The following MOV10L1 variants were observed in gnomAD, a reference collection of about 807,000 sequenced individuals.
MOV10L1 encodes the protein Mov10 like RNA helicase 1.
Under a neutral mutation model 143.8 loss-of-function variants are expected in MOV10L1, and 110 were observed. That is an observed-to-expected ratio of 0.76 (90% CI 0.66 to 0.90). The LOEUF (loss-of-function observed/expected upper bound fraction) is 0.90, where lower values mean the gene tolerates loss of function less well. Among genes scored for constraint, MOV10L1 ranks in the 40% least tolerant of loss-of-function variants. The pLI, the probability that MOV10L1 is intolerant of heterozygous loss-of-function variation, is 0.00. For synonymous variants in MOV10L1, 593 were observed against 581.1 expected (o/e 1.02, Z -0.29); for missense variants, 1,406 against 1,526.8 (o/e 0.92, Z 1.32).
At chr22:50,149,582 C>G (rs753661425) in intron 19 of MOV10L1, 33 bp from the exon 20 acceptor site, 1 of 1,606,264 alleles carries the variant, frequency 6.2e-7, no homozygotes, top group Non-Finnish European at 8.5e-7. Context: ...AACAATTCGG[C>G]AGAAATTACC....
In MOV10L1 at chr22:50,152,302, G is replaced by A. The variant is rs1427087305; in HGVS notation, c.2893-743G>A. Among the ~76,000 whole-genome samples, 4 of 152,324 alleles carry A rather than the reference G, an allele frequency of 2.6e-5. No individual in the cohort carries two copies. Among genetic ancestry groups the A allele is most frequent in the South Asian group, 2.1e-4 (1 of 4,830 alleles). ...CATTGCATAGAGAGGACGGCTCCCC[G>A]CGGCACAGACGCAGCGAGTCCTCAT... On this transcript the variant is annotated intron_variant, in intron 21 of 26. Transcript: ENST00000262794. This position sits in a 1 kb window ranked among gnomAD's most constrained non-coding sequence, Gnocchi z 4.4.
At chr22:50,093,673 T>C (rs1218295020) in intron 2 of MOV10L1, 1 of 152,194 alleles carries the variant, frequency 6.6e-6, no homozygotes, top group East Asian at 1.9e-4. Context: ...CATACCTGAC[T>C]AATTTTTAAA....
chr22:50,144,192 G>T lies in MOV10L1; in HGVS notation c.2454G>T (p.Val818=). The T allele has an allele frequency of 6.2e-7, 1 of 1,612,168 alleles. No individual in the cohort carries two copies. Residue 818 remains valine (V), a synonymous_variant, in exon 18 of 27, where the codon GTG becomes GTT. Transcript: ENST00000262794. The part of the protein sequence containing the change: ...LVCLRLHESK[V]LQPATMVRVN... ...GTCTGCGGCTGCACGAGAGCAAGGT[G>T]CTACAGCCGGCCACCATGGTCCGGG...
At chr22:50,125,993 C>T (rs970001341) in intron 11 of MOV10L1, among the ~76,000 whole-genome samples, 3 of 151,556 alleles carry the variant, frequency 2.0e-5, no homozygotes, top group African/African-American at 7.3e-5. Context: ...GAGGTTTCGC[C>T]GTGTTAGCCA....
intron 4 of MOV10L1, 102 bp from the exon 5 acceptor site, chr22:50,108,555 G>A: frequency 2.3e-6 from 3 of 1,300,344 alleles, no homozygotes; most frequent in Admixed American, 1.8e-5. Flanking sequence ...TGAGCTTCCT[G>A]GTGCAGCTTG....
At chr22:50,124,261 G>A (rs1440359025) in intron 10 of MOV10L1, among the ~76,000 whole-genome samples, 1 of 152,132 alleles carries the variant, frequency 6.6e-6, no homozygotes, top group Non-Finnish European at 1.5e-5. Flanking sequence ...CACTGCTTGT[G>A]CTGCTCCCAT....
In MOV10L1 at chr22:50,145,070, GTACC is replaced by G. The variant is rs1345212628; in HGVS notation, c.2506-616_2506-613del. Among the ~76,000 whole-genome samples the G allele has an allele frequency of 2.0e-5, 3 of 152,168 alleles. No homozygotes were observed. In the East Asian group the frequency reaches 5.8e-4, roughly 30 times the overall value. ...CAATTCTCCTGCCTCAGCCTCCTAA[GTACC>G]TAGGATTACAGGTGTGTGCCACCAC... is the stretch of plus-strand genomic sequence containing the variant. On this transcript the variant is annotated intron_variant, in intron 18 of 26. Coordinates refer to ENST00000262794, the MANE Select transcript of MOV10L1 (RefSeq NM_018995.3).
intron 3 of MOV10L1, among the ~76,000 whole-genome samples, chr22:50,106,667 G>A (rs926336060): frequency 6.7e-6 from 1 of 150,032 alleles, no homozygotes; most frequent in Non-Finnish European, 1.5e-5. Flanking sequence ...CTCCAGAGTT[G>A]CACGTATTAA....
intron 2 of MOV10L1, chr22:50,096,375 G>C (rs1328143082): frequency 6.6e-6 from 1 of 152,172 alleles, no homozygotes; most frequent in Non-Finnish European, 1.5e-5. Context: ...ATCACATTTT[G>C]TTTCTCCATT....
In MOV10L1 at chr22:50,114,586, G is replaced by C; in HGVS notation, c.1090G>C (p.Glu364Gln). 1 of 1,614,128 alleles carries C rather than the reference G, an allele frequency of 6.2e-7. No individual in the cohort carries two copies. Among genetic ancestry groups the C allele is most frequent in the East Asian group, 2.2e-5 (1 of 44,888 alleles). Residue 364 changes from glutamate (E) to glutamine (Q), a missense_variant, in exon 7 of 27, where the codon GAG becomes CAG. Glu to Gln is a conservative substitution (Grantham distance 29). Transcript: ENST00000262794. ...AAAAAACAAAACCTCTCAGATGTCG[G>C]AGAGCAGTTTGGTGAACAACAGAGG... The part of the protein sequence containing the change: ...HTKNKTSQMS[E>Q]SSLVNNRGIS...
chr22:50,114,255 T>G, intron 6 of MOV10L1, 126 bp from the exon 7 acceptor site: 1 of 1,192,724 alleles, frequency 8.4e-7, no homozygotes, highest in Non-Finnish European at 1.2e-6. Context: ...AAAATGACCT[T>G]TTGACTTATA....
chr22:50,092,763 C>T (rs2062484658), intron 2 of MOV10L1: 1 of 152,304 alleles, frequency 6.6e-6, no homozygotes, highest in Non-Finnish European at 1.5e-5. Flanking sequence ...CCATTATTTT[C>T]TTGCTTTTTC....
chr22:50,151,784 C>CTG lies in MOV10L1; in HGVS notation c.2892+886_2892+887dup, dbSNP rs2063303490. Among the ~76,000 whole-genome samples the CTG allele has an allele frequency of 3.9e-5, 6 of 152,354 alleles. No individual in the cohort carries two copies. The South Asian group carries it at 1.2e-3, about 32-fold the overall frequency. ...GGCCGCAGCAGGAGAGACCAGCACGCTGCCGTCCCCACCACACAGCCTTCA... is the reference window on the plus strand; with the variant it reads ...GGCCGCAGCAGGAGAGACCAGCACGCTGTGCCGTCCCCACCACACAGCCTTCA... On this transcript the variant is annotated intron_variant, in intron 21 of 26. Transcript: ENST00000262794.
intron 21 of MOV10L1, among the ~76,000 whole-genome samples, chr22:50,151,812 G>A (rs1422667313): frequency 1.3e-5 from 2 of 152,230 alleles, no homozygotes; most frequent in Non-Finnish European, 2.9e-5. Context: ...AGCCTTCAGG[G>A]CAGGTGCATA....
intron 3 of MOV10L1, among the ~76,000 whole-genome samples, chr22:50,100,925 C>G (rs1293591490): frequency 6.6e-6 from 1 of 152,198 alleles, no homozygotes; most frequent in Non-Finnish European, 1.5e-5. Context: ...TTACTCTACT[C>G]CTGCTGCCTA....
rs528526883 is a variant in MOV10L1, at chr22:50,120,604, A to C, written c.1557A>C (p.Pro519=). Residue 519 remains proline, a synonymous_variant, in exon 10 of 27, where the codon CCA becomes CCC. Transcript: ENST00000262794. ...AAATTGACATCCTGACTTTCCAGCCATTACTTGCAGAGGTAGGAAGTGTCT... is the reference window on the plus strand; with the variant it reads ...AAATTGACATCCTGACTTTCCAGCCCTTACTTGCAGAGGTAGGAAGTGTCT... ...EQKIDILTFQ[P]LLAELLNMSN... 1.2e-5 allele frequency: 20 copies of C among 1,608,886 alleles called. No homozygotes were observed. Among genetic ancestry groups the C allele is most frequent in the Middle Eastern group, 3.3e-4 (2 of 6,052 alleles).
intron 19 of MOV10L1, chr22:50,149,240 G>T (rs1029656374): frequency 4.8e-6 from 1 of 210,006 alleles, no homozygotes; most frequent in Non-Finnish European, 9.8e-6. Context: ...CAGGACTAGA[G>T]CCTGGGCATT....
intron 9 of MOV10L1, 90 bp downstream of exon 9, chr22:50,117,441 C>A: frequency 7.2e-7 from 1 of 1,389,862 alleles, no homozygotes. Flanking sequence ...GTGGCTACCA[C>A]CTGGCTGGGG....
chr22:50,124,650 C>T (rs1484545995), intron 10 of MOV10L1, among the ~76,000 whole-genome samples: 1 of 152,220 alleles, frequency 6.6e-6, no homozygotes, highest in African/African-American at 2.4e-5. Context: ...CCTGGTCTGG[C>T]CCCTCAATGG....
Sources: allele counts gnomAD v4.1 joint callset (sites outside exome capture counted in the v4.1 genomes callset), GRCh38; gene constraint gnomAD v4.1.1; non-coding constraint Gnocchi (gnomAD v3.1); transcripts MANE v1.5; gene names NCBI Gene and HGNC (gene_info 2026-07-23, HGNC 2026-07-21).